The following ZNF532 variants were observed in gnomAD, a reference collection of about 807,000 sequenced individuals.
ZNF532 encodes the protein zinc finger protein 532.
Under a neutral mutation model 89.3 loss-of-function variants are expected in ZNF532, and 22 were observed. That is an observed-to-expected ratio of 0.25 (90% confidence interval 0.18 to 0.35). ZNF532 has a LOEUF of 0.35. Ranked by LOEUF, ZNF532 falls within the 10% of genes least tolerant of loss-of-function variation. ZNF532 has a pLI of 1.00. For missense variants in ZNF532, 1,132 were observed against 1,643.4 expected (o/e 0.69, Z 5.38); for synonymous variants, 606 against 649.6 (o/e 0.93, Z 1.02).
chr18:58,941,468 C>CTTTTTTTTTTTT (rs71302776), intron 5 of ZNF532, among the ~76,000 whole-genome samples: 3 of 114,910 alleles, frequency 2.6e-5, no homozygotes, highest in African/African-American at 9.8e-5. Context: ...CTCTCTCTCT[C>CTTTTTTTTTTTT]TTTTTTTTTT....
chr18:58,950,592 C>T (rs1263809037), intron 6 of ZNF532, among the ~76,000 whole-genome samples: 2 of 152,054 alleles, frequency 1.3e-5, no homozygotes, highest in Non-Finnish European at 2.9e-5. Context: ...AAGTTTTCTC[C>T]ACATACATAT....
At chr18:58,921,201 T>G (rs1448560320) in intron 3 of ZNF532, among the ~76,000 whole-genome samples, 1 of 152,134 alleles carries the variant, frequency 6.6e-6, no homozygotes, top group Non-Finnish European at 1.5e-5. Flanking sequence ...GAACTTTAGA[T>G]TTTGGTAATC....
Position 58,942,241 on chromosome 18 carries a change from C to G in ZNF532, c.2705+2620C>G, listed in dbSNP as rs978819097. Among the ~76,000 whole-genome samples the G allele has an allele frequency of 2.0e-4, 30 of 150,778 alleles. No individual in the cohort carries two copies. The East Asian group carries it at 3.0e-3, about 15-fold the overall frequency. ...GTTTCACCGTGTTAGCCAGGATGGT[C>G]TCGAACTCCTGACCTCGTGATCCGC... On this transcript the variant is annotated intron_variant, in intron 5 of 9. Transcript: ENST00000591808.
intron 7 of ZNF532, among the ~76,000 whole-genome samples, chr18:58,978,070 T>TTTACTTCA (rs2067260061): frequency 6.6e-6 from 1 of 152,228 alleles, no homozygotes; most frequent in African/African-American, 2.4e-5. Flanking sequence ...ACGCCACTAA[T>TTTACTTCA]TTACTTCAAA....
chr18:58,910,983 A>G (rs557461193), intron 2 of ZNF532, among the ~76,000 whole-genome samples: 17 of 152,244 alleles, frequency 1.1e-4, no homozygotes, highest in Non-Finnish European at 1.9e-4. Flanking sequence ...GGCTCAACCA[A>G]TCATCCTGCC....
intron 3 of ZNF532, among the ~76,000 whole-genome samples, chr18:58,932,961 A>G (rs2062080527): frequency 6.6e-6 from 1 of 152,120 alleles, no homozygotes; most frequent in African/African-American, 2.4e-5. Flanking sequence ...TTTATTCCCA[A>G]GTAAGTGCAA....
rs2059367751 is a variant in ZNF532, at chr18:58,898,145, A to G, written c.-17-20126A>G. On this transcript the variant is annotated intron_variant, in intron 2 of 9. Transcript: ENST00000591808. ...TGTTATTTCTAAATAATGTGCTTAC[A>G]TTGCTAAACTTGGACTTGTTCATTT... Among the ~76,000 whole-genome samples, 5 of 152,346 alleles carry G rather than the reference A, an allele frequency of 3.3e-5. No homozygotes were observed. The South Asian group carries it at 8.3e-4, about 25-fold the overall frequency.
chr18:58,892,621 AT>A (rs2058976412), intron 2 of ZNF532, among the ~76,000 whole-genome samples: 1 of 152,238 alleles, frequency 6.6e-6, no homozygotes, highest in South Asian at 2.1e-4. Flanking sequence ...AAAGAGGTAC[AT>A]TTGAACAAAG....
intron 6 of ZNF532, chr18:58,953,299 C>T: frequency 4.5e-6 from 2 of 446,150 alleles, no homozygotes; most frequent in Non-Finnish European, 7.9e-6. Flanking sequence ...ATATATAGGC[C>T]TTTAAAAAGC....
In ZNF532 at chr18:58,953,439, A is replaced by G. The variant is rs183111892; in HGVS notation, c.2869-79A>G. The G allele has an allele frequency of 4.8e-4, 603 of 1,267,102 alleles. 9 individuals are homozygous for G. In the East Asian group the frequency reaches 8.8e-3, roughly 18 times the overall value. The allele number at this position is 1,267,102 out of a possible 1,614,324, so 78.5% of individuals were successfully genotyped here. A position where few individuals can be genotyped will look rare whatever the true frequency, so the allele number is the denominator to read the frequency against. ...ATAAACTGGTGTTGAAATGTGTACCACATGTTAAGATAGCATACTTGTGCT... is the reference window on the plus strand; with the variant it reads ...ATAAACTGGTGTTGAAATGTGTACCGCATGTTAAGATAGCATACTTGTGCT... On this transcript the variant is annotated intron_variant, in intron 6 of 9. Transcript: ENST00000591808.
At chr18:58,894,272 C>T (rs2059107053) in intron 2 of ZNF532, among the ~76,000 whole-genome samples, 1 of 151,840 alleles carries the variant, frequency 6.6e-6, no homozygotes, top group Non-Finnish European at 1.5e-5. Flanking sequence ...TGAGACCAGC[C>T]CGGCTAACAT....
intron 2 of ZNF532, among the ~76,000 whole-genome samples, chr18:58,908,670 ACAATAAAAGTTTC>A (rs1246054914): frequency 6.6e-6 from 1 of 152,254 alleles, no homozygotes; most frequent in Non-Finnish European, 1.5e-5. Context: ...ATAATTTGCA[ACAATAAAAGTTTC>A]TGCAGCCTTT....
At chr18:58,949,473 CG>C (rs2063959938) in intron 6 of ZNF532, among the ~76,000 whole-genome samples, 1 of 152,110 alleles carries the variant, frequency 6.6e-6, no homozygotes, top group African/African-American at 2.4e-5. Flanking sequence ...CCAAGGTAGG[CG>C]GATCACTTGA....
At chr18:58,902,911 G>A (rs764553784) in intron 2 of ZNF532, among the ~76,000 whole-genome samples, 2 of 152,140 alleles carry the variant, frequency 1.3e-5, no homozygotes, top group Non-Finnish European at 2.9e-5. Flanking sequence ...CCAGCACTCT[G>A]CGAAGTACCC....
chr18:58,983,445 G>A (rs777801425), intron 9 of ZNF532, among the ~76,000 whole-genome samples: 14 of 152,096 alleles, frequency 9.2e-5, no homozygotes, highest in Non-Finnish European at 1.9e-4. Flanking sequence ...CTCTTCTGTT[G>A]CCCACTCACA....
At chr18:58,925,267 C>T (rs2061435242) in intron 3 of ZNF532, among the ~76,000 whole-genome samples, 1 of 152,156 alleles carries the variant, frequency 6.6e-6, no homozygotes. Flanking sequence ...TCTGCATCCT[C>T]CAGCATTTGG....
At chr18:58,888,869 A>AAAAAT in intron 2 of ZNF532, among the ~76,000 whole-genome samples, 1 of 42,676 alleles carries the variant, frequency 2.3e-5, no homozygotes, top group African/African-American at 1.2e-4. Flanking sequence ...TATATATATA[A>AAAAAT]TATATATTAT....
In ZNF532 at chr18:58,919,124, T is replaced by G. The variant is rs1277457398; in HGVS notation, c.837T>G (p.Ala279=). Residue 279 remains alanine, a synonymous_variant, in exon 3 of 10, where the codon GCT becomes GCG. Transcript: ENST00000591808. The surrounding 1 kb of genome is among the most constrained non-coding windows in gnomAD (Gnocchi z 6.1). ...SCIAAIAALS[A]KKAASDSCKE... ...TCGCTGCCATCGCGGCTCTCAGCGC[T>G]AAAAAGGCGGCTTCAGACTCCTGCA... 1.2e-6 allele frequency: 2 copies of G among 1,613,974 alleles called. No individual in the cohort carries two copies. The highest frequency in any genetic ancestry group is 2.7e-5 in the African/African-American group (2 of 74,872).
At chr18:58,977,809 C>G (rs1246171543) in intron 7 of ZNF532, 1 of 152,190 alleles carries the variant, frequency 6.6e-6, no homozygotes, top group Admixed American at 6.5e-5. Context: ...GATGACACCG[C>G]TGCACTCCAG....
Sources: gnomAD v4.1 joint callset for allele counts (sites outside exome capture counted in the v4.1 genomes callset) on GRCh38, gnomAD v4.1.1 for gene constraint, Gnocchi (gnomAD v3.1) non-coding constraint, MANE v1.5 for transcripts, NCBI Gene and HGNC (gene_info 2026-07-23, HGNC 2026-07-21) for gene names.